The following TYW3 variants were observed in gnomAD, a reference collection of about 807,000 sequenced individuals.
TYW3 encodes the protein tRNA wybutosine-synthesizing protein 3 homolog.
Under a neutral mutation model 23.1 loss-of-function variants are expected in TYW3, and 26 were observed. The observed-to-expected ratio is 1.13, with a 90% CI of 0.83 to 1.56. TYW3 has a LOEUF of 1.56. Among genes scored for constraint, TYW3 ranks in the 40% most tolerant of loss-of-function variants. The pLI, the probability that TYW3 is intolerant of heterozygous loss-of-function variation, is 0.00. For synonymous variants in TYW3, 102 were observed against 105.7 expected (o/e 0.97, Z 0.21); for missense variants, 316 against 311.9 (o/e 1.01, Z -0.10).
chr1:74,748,972 C>T, intron 4 of TYW3, 150 bp downstream of exon 4: 1 of 701,898 alleles, frequency 1.4e-6, no homozygotes, highest in South Asian at 1.9e-5. Flanking sequence ...CTCCTTCCTA[C>T]AGGGCAAAGT....
intron 3 of TYW3, among the ~76,000 whole-genome samples, chr1:74,747,043 C>A (rs1038276623): frequency 2.2e-4 from 33 of 152,206 alleles, no homozygotes; most frequent in African/African-American, 7.7e-4. Context: ...GCAAATAGAA[C>A]ATCATTAGTC....
chr1:74,747,419 C>T (rs1456701987), intron 3 of TYW3, among the ~76,000 whole-genome samples: 3 of 151,712 alleles, frequency 2.0e-5, no homozygotes, highest in Non-Finnish European at 2.9e-5. Flanking sequence ...GGGCGGATCA[C>T]GAGGTCAGGA....
intron 4 of TYW3, chr1:74,751,031 C>G (rs1026486504): frequency 2.0e-5 from 3 of 152,036 alleles, no homozygotes; most frequent in African/African-American, 7.3e-5. Flanking sequence ...AGGCTGGTCT[C>G]GAACTCCTGA....
intron 1 of TYW3, chr1:74,734,153 T>C (rs1648043438): frequency 1.3e-5 from 2 of 152,196 alleles, no homozygotes; most frequent in African/African-American, 4.8e-5. Context: ...TCTGAAAATA[T>C]TAAATGAAAA....
At chr1:74,742,545 ATG>A (rs1305969352) in intron 3 of TYW3, among the ~76,000 whole-genome samples, 3 of 152,060 alleles carry the variant, frequency 2.0e-5, no homozygotes, top group African/African-American at 7.2e-5. Context: ...GGTATTTCTA[ATG>A]GGATGTTCTG....
At chr1:74,739,202 T>G (rs1648264152) in intron 3 of TYW3, among the ~76,000 whole-genome samples, 1 of 152,136 alleles carries the variant, frequency 6.6e-6, no homozygotes, top group South Asian at 2.1e-4. Context: ...TTTTATACCT[T>G]TTATATATTT....
intron 5 of TYW3, among the ~76,000 whole-genome samples, chr1:74,755,823 C>G (rs1242849569): frequency 6.6e-6 from 1 of 152,100 alleles, no homozygotes; most frequent in Non-Finnish European, 1.5e-5. Flanking sequence ...AGAGCATGAA[C>G]AAAGGAAAAA....
intron 5 of TYW3, among the ~76,000 whole-genome samples, chr1:74,757,407 T>C (rs2100775154): frequency 6.6e-6 from 1 of 152,374 alleles, no homozygotes. Flanking sequence ...CAGCATGATC[T>C]GGATGTGAGA....
intron 1 of TYW3, 153 bp downstream of exon 1, chr1:74,733,571 G>A: frequency 1.0e-6 from 1 of 984,268 alleles, no homozygotes; most frequent in South Asian, 4.7e-5. Flanking sequence ...TAGGGGATTA[G>A]ATCAGTGCTT....
rs1166261955 is a variant in TYW3, at chr1:74,765,688, G to A, written c.*1575G>A. The A allele has an allele frequency of 6.6e-6, 1 of 152,038 alleles. No individual in the cohort carries two copies. Among genetic ancestry groups the A allele is most frequent in the African/African-American group, 2.4e-5 (1 of 41,422 alleles). The allele number at this position is 152,038 out of a possible 1,614,324, so 9.4% of individuals were successfully genotyped here. On this transcript the variant is annotated 3_prime_UTR_variant, in exon 6 of 6. Coordinates refer to ENST00000370867, the MANE Select transcript of TYW3 (RefSeq NM_138467.3). ...AGGAAAGAGAGAGTGCAGGTGGAAC[G>A]AGCCTATCCTGTGGTGAAATGACAA...
intron 3 of TYW3, among the ~76,000 whole-genome samples, chr1:74,741,843 G>A (rs1648373399): frequency 6.6e-6 from 1 of 152,146 alleles, no homozygotes; most frequent in Non-Finnish European, 1.5e-5. Context: ...TTTCTTAAGT[G>A]CCTCTTGAGT....
At chr1:74,748,467 C>T (rs1457548288) in intron 3 of TYW3, among the ~76,000 whole-genome samples, 1 of 152,150 alleles carries the variant, frequency 6.6e-6, no homozygotes, top group African/African-American at 2.4e-5. Context: ...TGGTTACATT[C>T]TGCTTTCTGG....
intron 5 of TYW3, among the ~76,000 whole-genome samples, chr1:74,758,712 A>G (rs28567064): frequency 0.032 from 4,199 of 129,280 alleles, 355 homozygotes; most frequent in African/African-American, 0.066. Context: ...GATTCTTATC[A>G]TCATTTACCA....
intron 4 of TYW3, among the ~76,000 whole-genome samples, chr1:74,751,896 A>C (rs752502647): frequency 9.8e-5 from 15 of 152,338 alleles, no homozygotes; most frequent in Non-Finnish European, 2.1e-4. Context: ...GCTCTGCTCC[A>C]AGAGCACTGA....
chr1:74,734,058 G>A (rs1373177176), intron 1 of TYW3: 1 of 151,976 alleles, frequency 6.6e-6, no homozygotes, highest in Non-Finnish European at 1.5e-5. Context: ...GGATTTATTG[G>A]GATGTAACCC....
At chr1:74,759,063 G>A (rs1427480975) in intron 5 of TYW3, among the ~76,000 whole-genome samples, 1 of 152,216 alleles carries the variant, frequency 6.6e-6, no homozygotes, top group African/African-American at 2.4e-5. Flanking sequence ...CACAAATTTA[G>A]TTGACTAGAC....
intron 3 of TYW3, among the ~76,000 whole-genome samples, chr1:74,746,055 G>A (rs182001364): frequency 2.6e-5 from 4 of 152,144 alleles, no homozygotes; most frequent in South Asian, 2.1e-4. Context: ...ATCAACATAT[G>A]AATTTTGAAG....
intron 3 of TYW3, among the ~76,000 whole-genome samples, chr1:74,742,268 C>T (rs1480088634): frequency 1.3e-5 from 2 of 152,182 alleles, no homozygotes; most frequent in Admixed American, 6.5e-5. Flanking sequence ...GACTACCTGT[C>T]GGATGGCCTG....
At chr1:74,743,736 C>A (rs982488839) in intron 3 of TYW3, among the ~76,000 whole-genome samples, 1 of 152,134 alleles carries the variant, frequency 6.6e-6, no homozygotes, top group Non-Finnish European at 1.5e-5. Flanking sequence ...GAATTTGTCC[C>A]TTTCTTCGGC....
Sources: allele counts gnomAD v4.1 joint callset (sites outside exome capture counted in the v4.1 genomes callset), GRCh38; gene constraint gnomAD v4.1.1; transcripts MANE v1.5; gene names NCBI Gene and HGNC (gene_info 2026-07-23, HGNC 2026-07-21).